SPOCK1: variants seen among roughly 807,000 people sequenced by gnomAD.
SPOCK1 encodes testican-1.
A neutral mutation model predicts 55.3 loss-of-function variants in SPOCK1; 23 were observed. The ratio of observed to expected loss-of-function variants is 0.42; its 90% confidence interval spans 0.30 to 0.59. SPOCK1 has a LOEUF of 0.59. Among genes scored for constraint, SPOCK1 ranks in the 20% least tolerant of loss-of-function variants. The pLI, the probability that SPOCK1 is intolerant of heterozygous loss-of-function variation, is 0.22. For synonymous variants in SPOCK1, 226 were observed against 221.0 expected (o/e 1.02, Z -0.20); for missense variants, 499 against 552.5 (o/e 0.90, Z 0.97).
intron 3 of SPOCK1, among the ~76,000 whole-genome samples, chr5:137,217,943 C>T (rs1286631157): frequency 1.3e-5 from 2 of 150,338 alleles, no homozygotes; most frequent in African/African-American, 2.5e-5. Context: ...CCAACCTTAC[C>T]GCATCTATAT....
At chr5:137,390,748 T>G (rs1416734209) in intron 2 of SPOCK1, among the ~76,000 whole-genome samples, 1 of 152,134 alleles carries the variant, frequency 6.6e-6, no homozygotes, top group African/African-American at 2.4e-5. Flanking sequence ...CAGCAAGGCA[T>G]GGTGTCAGGG....
chr5:136,988,631 C>T lies in SPOCK1; in HGVS notation c.719G>A (p.Ser240Asn). The change falls in exon 8 of 11, where the codon AGC becomes AAC. Residue 240 changes from serine (S) to asparagine (N), a missense_variant. This residue lies in a region of SPOCK1 where 386 missense variants were observed against 400.6 expected (regional missense o/e 0.96). Coordinates refer to ENST00000394945, the MANE Select transcript of SPOCK1 (RefSeq NM_004598.4). ...GGAGTCCTTGCAGATGGGCAGGATG[C>T]TAGTGTCAAACCCTGCCAAACAAAA... ...SNTAQGRFDT[S>N]ILPICKDSLG... 2 of 1,612,676 alleles carry T rather than the reference C, an allele frequency of 1.2e-6. No homozygotes were observed. The highest frequency in any genetic ancestry group is 2.2e-5 in the South Asian group (2 of 90,874).
intron 9 of SPOCK1, among the ~76,000 whole-genome samples, chr5:136,983,182 G>A (rs1750766136): frequency 6.6e-6 from 1 of 152,110 alleles, no homozygotes; most frequent in Non-Finnish European, 1.5e-5. Flanking sequence ...GATTTTGTGA[G>A]CGTGCTTACA....
At chr5:137,309,442 C>T (rs1305084509) in intron 2 of SPOCK1, among the ~76,000 whole-genome samples, 1 of 152,130 alleles carries the variant, frequency 6.6e-6, no homozygotes, top group Non-Finnish European at 1.5e-5. Context: ...ACTCCAGCTC[C>T]CTAGGAACCA....
At chr5:137,189,310 T>A (rs1223457024) in intron 3 of SPOCK1, among the ~76,000 whole-genome samples, 3 of 152,232 alleles carry the variant, frequency 2.0e-5, no homozygotes, top group Admixed American at 1.3e-4. Context: ...AATGCCTGGC[T>A]TCCAAGCTTC....
At chr5:137,356,796 AT>A (rs1339065999) in intron 2 of SPOCK1, among the ~76,000 whole-genome samples, 1 of 49,378 alleles carries the variant, frequency 2.0e-5, no homozygotes, top group Non-Finnish European at 3.9e-5. Context: ...CTCAAAAAAA[AT>A]AATATATATA....
chr5:137,180,083 G>T lies in SPOCK1; in HGVS notation c.233-39389C>A, dbSNP rs996484501. 5.9e-5 allele frequency among the ~76,000 whole-genome samples: 9 copies of T among 152,282 alleles called. No homozygotes were observed. In the East Asian group the frequency reaches 1.5e-3, roughly 26 times the overall value. The stretch of plus-strand genomic sequence containing the variant: ...ACTTGCCTAAGGTCACACAGCCATT[G>T]AGTAGCTGAATGGGAATCTACCTGG... On this transcript the variant is annotated intron_variant, in intron 3 of 10. Coordinates refer to ENST00000394945, the MANE Select transcript of SPOCK1 (RefSeq NM_004598.4).
At chr5:137,498,175 T>G (rs964875453) in intron 2 of SPOCK1, among the ~76,000 whole-genome samples, 198 bp downstream of exon 2, 3 of 151,482 alleles carry the variant, frequency 2.0e-5, no homozygotes, top group Admixed American at 6.6e-5. Flanking sequence ...GCCTTCGAAG[T>G]TCTCTTTAAA....
At chr5:137,253,596 C>T (rs1036421972) in intron 3 of SPOCK1, among the ~76,000 whole-genome samples, 2 of 152,160 alleles carry the variant, frequency 1.3e-5, no homozygotes, top group African/African-American at 2.4e-5. Flanking sequence ...TTCAATTTCC[C>T]CGACATCAAA....
At chr5:137,351,801 G>C (rs1003912183) in intron 2 of SPOCK1, among the ~76,000 whole-genome samples, 1 of 152,188 alleles carries the variant, frequency 6.6e-6, no homozygotes, top group African/African-American at 2.4e-5. Flanking sequence ...TTGTCATATA[G>C]ATCAGAATAG....
At chr5:137,392,392 A>G (rs1005903142) in intron 2 of SPOCK1, among the ~76,000 whole-genome samples, 8 of 152,166 alleles carry the variant, frequency 5.3e-5, no homozygotes, top group Non-Finnish European at 8.8e-5. Flanking sequence ...TATGACTCCT[A>G]TGACTGGAAT....
At chr5:137,168,212 A>T (rs1754686587) in intron 3 of SPOCK1, among the ~76,000 whole-genome samples, 1 of 152,138 alleles carries the variant, frequency 6.6e-6, no homozygotes, top group African/African-American at 2.4e-5. Context: ...TATCAAATCA[A>T]AATTGATTAA....
chr5:137,232,739 T>C (rs1580819913), intron 3 of SPOCK1, among the ~76,000 whole-genome samples: 1 of 152,256 alleles, frequency 6.6e-6, no homozygotes, highest in East Asian at 1.9e-4. Flanking sequence ...GCAATTTTGA[T>C]AGGAATTTCA....
chr5:137,498,266 CCACACACACACACACA>C (rs544933594), intron 2 of SPOCK1, 91 bp downstream of exon 2: 12 of 796,382 alleles, frequency 1.5e-5, no homozygotes, highest in Middle Eastern at 4.1e-4. Flanking sequence ...CCCCTCCCAA[CCACACACACACACACA>C]CACACACACA....
intron 3 of SPOCK1, among the ~76,000 whole-genome samples, chr5:137,200,059 C>T (rs1216376182): frequency 6.6e-6 from 1 of 152,224 alleles, no homozygotes; most frequent in Non-Finnish European, 1.5e-5. Flanking sequence ...TCTAAGTGGT[C>T]TCCCTGCTTC....
chr5:137,378,612 TAC>T (rs1751383353), intron 2 of SPOCK1, among the ~76,000 whole-genome samples: 1 of 152,240 alleles, frequency 6.6e-6, no homozygotes, highest in South Asian at 2.1e-4. Context: ...TGCAAAGAGC[TAC>T]ACACTGACAG....
At chr5:137,076,607 T>TAAAAAAAAA (rs35285273) in intron 5 of SPOCK1, among the ~76,000 whole-genome samples, 1 of 112,670 alleles carries the variant, frequency 8.9e-6, no homozygotes, top group Non-Finnish European at 1.9e-5. Flanking sequence ...GGACTGAAAG[T>TAAAAAAAAA]AAAAAAAAAA....
At chr5:137,008,122 C>T (rs978543807) in intron 6 of SPOCK1, among the ~76,000 whole-genome samples, 14 of 145,746 alleles carry the variant, frequency 9.6e-5, no homozygotes, top group African/African-American at 3.6e-4. Context: ...GGCAAAATCA[C>T]ACACTGGGGC....
Position 137,329,005 on chromosome 5 carries a change from G to C in SPOCK1, c.187-61950C>G, listed in dbSNP as rs557241776. Reference sequence around the variant, plus strand: ...ACTTGACTGGGTCATGGGGTGCCCAGACATTCTATGAAACATGATTCTGGC... The same window carrying C: ...ACTTGACTGGGTCATGGGGTGCCCACACATTCTATGAAACATGATTCTGGC... On this transcript the variant is annotated intron_variant, in intron 2 of 10. Coordinates refer to ENST00000394945, the MANE Select transcript of SPOCK1 (RefSeq NM_004598.4). Among the ~76,000 whole-genome samples the C allele has an allele frequency of 1.3e-4, 20 of 152,298 alleles. No individual in the cohort carries two copies. In the South Asian group the frequency reaches 3.9e-3, roughly 30 times the overall value.
Sources: allele counts gnomAD v4.1 joint callset (sites outside exome capture counted in the v4.1 genomes callset), GRCh38; gene constraint gnomAD v4.1.1; regional missense constraint gnomAD v4.1.1; transcripts MANE v1.5; gene names NCBI Gene and HGNC (gene_info 2026-07-23, HGNC 2026-07-21).